CRIM1: variants seen among roughly 807,000 people sequenced by gnomAD.
CRIM1 encodes cysteine-rich motor neuron 1 protein.
In CRIM1, 32 loss-of-function variants were observed where a neutral mutation model predicts 116.4. The observed-to-expected ratio is 0.27, with a 90% CI of 0.21 to 0.37. CRIM1 has a LOEUF of 0.37. Among genes scored for constraint, CRIM1 ranks in the 10% least tolerant of loss-of-function variants. The pLI, the probability that CRIM1 is intolerant of heterozygous loss-of-function variation, is 1.00. For synonymous variants in CRIM1, 590 were observed against 509.2 expected, an observed-to-expected ratio of 1.16 and a Z score of -2.13; for missense variants, 1,331 against 1,354.8, an observed-to-expected ratio of 0.98 and a Z score of 0.28.
intron 13 of CRIM1, among the ~76,000 whole-genome samples, chr2:36,535,171 A>AG (rs796827800): frequency 1.1e-5 from 1 of 86,958 alleles, no homozygotes; most frequent in South Asian, 4.6e-4. Context: ...GAAGGAGGAC[A>AG]GGAGGGAGGG....
At chr2:36,499,492 C>A in intron 8 of CRIM1, 145 bp downstream of exon 8, 3 of 726,170 alleles carry the variant, frequency 4.1e-6, no homozygotes, top group Non-Finnish European at 4.5e-6. Context: ...ATTTTTAACA[C>A]AAACAAATAC....
chr2:36,382,736 C>G (rs1198064849), intron 1 of CRIM1, among the ~76,000 whole-genome samples: 1 of 152,218 alleles, frequency 6.6e-6, no homozygotes, highest in Non-Finnish European at 1.5e-5. Flanking sequence ...ATCTTCTGGT[C>G]TGCCTTGAGA....
intron 1 of CRIM1, among the ~76,000 whole-genome samples, chr2:36,365,844 C>T (rs898887061): frequency 4.0e-5 from 6 of 151,846 alleles, no homozygotes; most frequent in African/African-American, 1.5e-4. Flanking sequence ...AGCGATTCTC[C>T]TGCCTCAGCC....
chr2:36,481,522 CT>C (rs1019033445), intron 7 of CRIM1, among the ~76,000 whole-genome samples: 2 of 152,134 alleles, frequency 1.3e-5, no homozygotes, highest in African/African-American at 4.8e-5. Flanking sequence ...AAGAGATAAC[CT>C]TTAACTTTGA....
At chr2:36,531,037 T>G (rs1367281726) in intron 13 of CRIM1, among the ~76,000 whole-genome samples, 1 of 152,204 alleles carries the variant, frequency 6.6e-6, no homozygotes, top group Admixed American at 6.5e-5. Flanking sequence ...CCCGTTATAG[T>G]ACTGTGTTGG....
chr2:36,444,803 C>A (rs535574455), intron 4 of CRIM1, among the ~76,000 whole-genome samples: 1 of 152,186 alleles, frequency 6.6e-6, no homozygotes, highest in African/African-American at 2.4e-5. Flanking sequence ...TTTGCAGTTG[C>A]CACTACCTCT....
chr2:36,463,777 G>A (rs933286314), intron 4 of CRIM1, among the ~76,000 whole-genome samples: 2 of 151,854 alleles, frequency 1.3e-5, no homozygotes, highest in Admixed American at 6.6e-5. Flanking sequence ...AGCCAGCACA[G>A]CCAGCTTGCA....
chr2:36,487,924 T>C (rs1181866660), intron 7 of CRIM1, among the ~76,000 whole-genome samples: 1 of 152,122 alleles, frequency 6.6e-6, no homozygotes, highest in Non-Finnish European at 1.5e-5. Flanking sequence ...TATTCCAACA[T>C]TTTTTTCAAA....
intron 2 of CRIM1, among the ~76,000 whole-genome samples, chr2:36,405,752 T>TA (rs1341459838): frequency 6.6e-6 from 1 of 152,176 alleles, no homozygotes; most frequent in Non-Finnish European, 1.5e-5. Flanking sequence ...ATTGTTTTTT[T>TA]AAAAAAGCAT....
intron 2 of CRIM1, 143 bp downstream of exon 2, chr2:36,396,930 GT>G (rs1404309193): frequency 1.0e-5 from 7 of 681,120 alleles, no homozygotes; most frequent in Non-Finnish European, 1.7e-5. Flanking sequence ...GATGCATAAA[GT>G]TTACCAGGTG....
chr2:36,518,166 G>A (rs1665151931), intron 12 of CRIM1, among the ~76,000 whole-genome samples: 1 of 152,094 alleles, frequency 6.6e-6, no homozygotes, highest in Non-Finnish European at 1.5e-5. Flanking sequence ...CTTGTTAGAA[G>A]GAAATTTGTC....
chr2:36,531,047 G>T (rs937707104), intron 13 of CRIM1, among the ~76,000 whole-genome samples: 10 of 152,180 alleles, frequency 6.6e-5, no homozygotes, highest in Admixed American at 4.6e-4. Flanking sequence ...TACTGTGTTG[G>T]CTTGTTTTGC....
At chr2:36,362,202 G>A (rs1396654520) in intron 1 of CRIM1, among the ~76,000 whole-genome samples, 1 of 147,654 alleles carries the variant, frequency 6.8e-6, no homozygotes, top group African/African-American at 2.6e-5. Flanking sequence ...AAGTAGAAGT[G>A]ATTTTGCAAG....
chr2:36,547,980 C>T (rs188625602), intron 16 of CRIM1, among the ~76,000 whole-genome samples: 2 of 152,300 alleles, frequency 1.3e-5, no homozygotes, highest in African/African-American at 2.4e-5. Context: ...TTCTGTCCTG[C>T]GGTTATCCTG....
Position 36,548,654 on chromosome 2 carries a change from CA to C in CRIM1, c.3069del (p.Lys1023AsnfsTer21). The C allele has an allele frequency of 6.2e-7, 1 of 1,609,336 alleles. No homozygotes were observed. The highest frequency in any genetic ancestry group is 1.3e-5 in the African/African-American group (1 of 74,662). On this transcript the variant is annotated frameshift_variant, in exon 17 of 17. Transcript: ENST00000280527. LOFTEE classifies it high-confidence loss of function. The part of the protein sequence containing the change: ...DARFSGFYSM[Q>X]KQNHLQADNF... The stretch of plus-strand genomic sequence containing the variant: ...AAGATTCAGTGGCTTCTACAGCATG[CA>C]AAAACAGAACCATCTACAGGCAGAC...
At position 36,461,445 on chromosome 2, in the gene CRIM1, C is replaced by T. The variant is rs116216129; in HGVS notation, c.870-3089C>T. On this transcript the variant is annotated intron_variant, in intron 4 of 16. Coordinates refer to ENST00000280527, the MANE Select transcript of CRIM1 (RefSeq NM_016441.3). ...ACGGTACAGGTTGCATGCGTCAGTT[C>T]TTCTGTAGTTCAGCATTTCCTGTTC... 6.7e-3 allele frequency among the ~76,000 whole-genome samples: 1,020 copies of T among 152,264 alleles called. 4 individuals are homozygous for T. The highest frequency in any genetic ancestry group is 0.023 in the African/African-American group (960 of 41,556).
intron 1 of CRIM1, among the ~76,000 whole-genome samples, chr2:36,391,118 ATTTTTTTTTTTTT>A (rs57108558): frequency 1.5e-5 from 1 of 67,240 alleles, no homozygotes; most frequent in Non-Finnish European, 2.5e-5. Flanking sequence ...CCAACTTTTG[ATTTTTTTTTTTTT>A]TTTTTTTTTT....
At chr2:36,457,687 T>C (rs1332772992) in intron 4 of CRIM1, among the ~76,000 whole-genome samples, 6 of 152,180 alleles carry the variant, frequency 3.9e-5, no homozygotes, top group Admixed American at 3.9e-4. Flanking sequence ...GGAGTGCTGT[T>C]TTCCATAAGA....
intron 2 of CRIM1, among the ~76,000 whole-genome samples, chr2:36,430,722 T>A (rs1321484671): frequency 1.3e-5 from 2 of 152,234 alleles, no homozygotes; most frequent in African/African-American, 4.8e-5. Flanking sequence ...AGAATGAGGC[T>A]GTTCTCAGAG....
Sources: allele counts gnomAD v4.1 joint callset (sites outside exome capture counted in the v4.1 genomes callset), GRCh38; gene constraint gnomAD v4.1.1; transcripts MANE v1.5; gene names NCBI Gene and HGNC (gene_info 2026-07-23, HGNC 2026-07-21).